The following ZW10 variants were observed in gnomAD, a reference collection of about 807,000 sequenced individuals.
ZW10 encodes zw10 kinetochore protein.
A neutral mutation model predicts 87.8 loss-of-function variants in ZW10; 53 were observed. The ratio of observed to expected loss-of-function variants is 0.60; its 90% CI spans 0.48 to 0.76. ZW10 has a LOEUF of 0.76. Among genes scored for constraint, ZW10 ranks in the 30% least tolerant of loss-of-function variants. The pLI, the probability that ZW10 is intolerant of heterozygous loss-of-function variation, is 0.00. For missense variants in ZW10, 837 were observed against 923.0 expected, an observed-to-expected ratio of 0.91 and a Z score of 1.21; for synonymous variants, 312 against 329.2, an observed-to-expected ratio of 0.95 and a Z score of 0.57.
chr11:113,758,686 A>T lies in ZW10; in HGVS notation c.601T>A (p.Tyr201Asn), dbSNP rs764401914. Residue 201 changes from tyrosine to asparagine, a missense_variant, in exon 6 of 16, where the codon TAC becomes AAC. Coordinates refer to ENST00000200135, the MANE Select transcript of ZW10 (RefSeq NM_004724.4). ...TATAAATGAAGTTCAGTTTGTAGGTAAGATTCCAAACTGCTGGTATCTAAG... is the reference window on the plus strand; with the variant it reads ...TATAAATGAAGTTCAGTTTGTAGGTTAGATTCCAAACTGCTGGTATCTAAG... The part of the protein sequence containing the change: ...PSKDTSSLES[Y>N]LQTELHLYTE... The T allele has an allele frequency of 3.1e-6, 5 of 1,614,046 alleles. No individual in the cohort carries two copies. The South Asian group carries it at 5.5e-5, about 18-fold the overall frequency.
rs552874484 is a variant in ZW10, at chr11:113,743,067, A to C, written c.1511+735T>G. Among the ~76,000 whole-genome samples the C allele has an allele frequency of 2.0e-5, 3 of 152,324 alleles. No homozygotes were observed. In the South Asian group the frequency reaches 6.2e-4, roughly 32 times the overall value. On this transcript the variant is annotated intron_variant, in intron 10 of 15. Coordinates refer to ENST00000200135, the MANE Select transcript of ZW10 (RefSeq NM_004724.4). The stretch of plus-strand genomic sequence containing the variant: ...TCCATGCTCTGCCATTTTCTTCTCA[A>C]TTTAGTCTAGGAGTAGGGAAGAAGC...
chr11:113,755,517 G>C (rs1414322380), intron 7 of ZW10, among the ~76,000 whole-genome samples: 1 of 152,198 alleles, frequency 6.6e-6, no homozygotes, highest in African/African-American at 2.4e-5. Flanking sequence ...GGTTTCTTGA[G>C]ACAGAATCTA....
intron 7 of ZW10, among the ~76,000 whole-genome samples, chr11:113,753,721 T>C (rs1037292567): frequency 1.3e-5 from 2 of 152,204 alleles, no homozygotes; most frequent in Non-Finnish European, 2.9e-5. Context: ...TGGAGAAAGT[T>C]TGAGTGGTCT....
At chr11:113,741,563 T>A (rs928765319) in intron 11 of ZW10, 131 bp downstream of exon 11, 3 of 534,712 alleles carry the variant, frequency 5.6e-6, no homozygotes, top group Admixed American at 4.0e-5. Context: ...TTAAAATGAT[T>A]TACTGCATTT....
chr11:113,751,162 C>T (rs1953729936), intron 7 of ZW10: 1 of 232,598 alleles, frequency 4.3e-6, no homozygotes, highest in South Asian at 6.5e-5. Context: ...CTGACGGAGA[C>T]ACTGGAGGCA....
chr11:113,748,462 C>A (rs372624111), intron 7 of ZW10, 42 bp from the exon 8 acceptor site: 4 of 1,518,640 alleles, frequency 2.6e-6, no homozygotes, highest in African/African-American at 2.8e-5. Flanking sequence ...AGAAACCATT[C>A]GCAGTCCTGG....
At chr11:113,763,621 T>C (rs1953884593) in intron 2 of ZW10, among the ~76,000 whole-genome samples, 1 of 152,226 alleles carries the variant, frequency 6.6e-6, no homozygotes, top group Non-Finnish European at 1.5e-5. Flanking sequence ...TTCAGTGATG[T>C]TGAGCCTTTT....
intron 7 of ZW10, 21 bp from the exon 8 acceptor site, chr11:113,748,441 A>C: frequency 6.4e-7 from 1 of 1,568,812 alleles, no homozygotes; most frequent in Non-Finnish European, 8.6e-7. Flanking sequence ...TAAAAAAAGA[A>C]GTTTTAAACA....
chr11:113,757,877 T>C lies in ZW10; in HGVS notation c.734-24A>G, dbSNP rs1267743512. 2.6e-6 allele frequency: 4 copies of C among 1,559,990 alleles called. No homozygotes were observed. In the African/African-American group the frequency reaches 4.1e-5, roughly 16 times the overall value. On this transcript the variant is annotated intron_variant, in intron 6 of 15. Transcript: ENST00000200135. ...ACCTGAAAAATCATATGAACATTCA[T>C]CAAAAAATCACCATAAGACACTTCT...
intron 2 of ZW10, among the ~76,000 whole-genome samples, chr11:113,766,542 C>T (rs1314966639): frequency 4.6e-5 from 7 of 150,752 alleles, no homozygotes; most frequent in African/African-American, 1.5e-4. Flanking sequence ...GGTGTGGTGG[C>T]GGGTGCCTAT....
intron 10 of ZW10, among the ~76,000 whole-genome samples, chr11:113,743,598 T>G (rs753637318): frequency 3.3e-5 from 5 of 152,246 alleles, no homozygotes; most frequent in African/African-American, 4.8e-5. Context: ...CAAACATCTA[T>G]GCTATTGCAA....
intron 7 of ZW10, among the ~76,000 whole-genome samples, chr11:113,756,255 G>A (rs1191866960): frequency 2.6e-5 from 4 of 152,058 alleles, no homozygotes; most frequent in Admixed American, 2.6e-4. Flanking sequence ...GATAAGAGAG[G>A]CTTCAGGAAA....
chr11:113,759,129 G>A (rs1953831017), intron 5 of ZW10, among the ~76,000 whole-genome samples: 1 of 152,162 alleles, frequency 6.6e-6, no homozygotes, highest in Non-Finnish European at 1.5e-5. Context: ...CTGGGAGTTT[G>A]AGACTGCAGT....
rs1473749742 is a variant in ZW10, at chr11:113,733,385, T to C, written c.*309A>G. 3.6e-6 allele frequency: 1 copy of C among 281,244 alleles called. No individual in the cohort carries two copies. Among genetic ancestry groups the C allele is most frequent in the Non-Finnish European group, 6.7e-6 (1 of 148,970 alleles). 17.4% of individuals were successfully genotyped at this position (281,244 alleles called of 1,614,324 possible). A position where few individuals can be genotyped will look rare whatever the true frequency, so the allele number is the denominator to read the frequency against. Reference sequence around the variant, plus strand: ...AAAGCTAGGGCCTGCATTTACAATGTATATAGCTCCCAGAGGGCTCTGGAA... The same window carrying C: ...AAAGCTAGGGCCTGCATTTACAATGCATATAGCTCCCAGAGGGCTCTGGAA... On this transcript the variant is annotated 3_prime_UTR_variant, in exon 16 of 16. Transcript: ENST00000200135.
Position 113,748,234 on chromosome 11 carries a change from T to A in ZW10, c.1089+23A>T, listed in dbSNP as rs775452405. 3.1e-6 allele frequency: 5 copies of A among 1,588,052 alleles called. No homozygotes were observed. The Middle Eastern group carries it at 5.0e-4, about 160-fold the overall frequency. ...AAGAAACAACAGTGTCTTAAAACCT[T>A]CTGTGCTGTCTGGGCTCTTTACCTC... On this transcript the variant is annotated intron_variant, in intron 8 of 15. Transcript: ENST00000200135.
At chr11:113,741,038 A>G (rs1160214868) in intron 11 of ZW10, among the ~76,000 whole-genome samples, 1 of 152,250 alleles carries the variant, frequency 6.6e-6, no homozygotes, top group East Asian at 1.9e-4. Flanking sequence ...AAGCTTTTAT[A>G]ATAAAAACAA....
At chr11:113,762,310 A>C (rs1953869141) in intron 2 of ZW10, among the ~76,000 whole-genome samples, 1 of 152,232 alleles carries the variant, frequency 6.6e-6, no homozygotes, top group South Asian at 2.1e-4. Context: ...TAGGGCACTT[A>C]CCATGAATGT....
intron 14 of ZW10, 85 bp from the exon 15 acceptor site, chr11:113,736,907 T>A: frequency 7.7e-7 from 1 of 1,291,022 alleles, no homozygotes; most frequent in East Asian, 2.3e-5. Context: ...TGATGCATGC[T>A]GTCCAGGTGG....
intron 9 of ZW10, among the ~76,000 whole-genome samples, chr11:113,746,495 C>CAAAAAAAAAAAAAAAAAAAACAA (rs1953678068): frequency 9.5e-6 from 1 of 105,336 alleles, no homozygotes; most frequent in African/African-American, 3.9e-5. Flanking sequence ...ACAAAACAGT[C>CAAAAAAAAAAAAAAAAAAAACAA]AAAAAAAAAA....
Sources: gnomAD v4.1 joint callset for allele counts (sites outside exome capture counted in the v4.1 genomes callset) on GRCh38, gnomAD v4.1.1 for gene constraint, MANE v1.5 for transcripts, NCBI Gene and HGNC (gene_info 2026-07-23, HGNC 2026-07-21) for gene names.